OLA1: variants seen among roughly 807,000 people sequenced by gnomAD.
OLA1 encodes obg-like ATPase 1.
OLA1 carries 14 observed loss-of-function variants against 48.4 expected under a neutral mutation model. The observed-to-expected ratio is 0.29, with a 90% CI of 0.19 to 0.45. The LOEUF is 0.45. Among genes scored for constraint, OLA1 ranks in the 20% least tolerant of loss-of-function variants. The pLI is 1.00. For synonymous variants in OLA1, 127 were observed against 150.4 expected (o/e 0.84, Z 1.14); for missense variants, 325 against 467.1 (o/e 0.70, Z 2.80).
chr2:174,121,273 C>T (rs559782180), intron 7 of OLA1, among the ~76,000 whole-genome samples: 64 of 152,220 alleles, frequency 4.2e-4, no homozygotes, highest in Admixed American at 3.4e-3. Context: ...GATGCCATTC[C>T]CTATCACACA....
At chr2:174,226,795 G>A (rs1182114929) in intron 3 of OLA1, among the ~76,000 whole-genome samples, 1 of 152,094 alleles carries the variant, frequency 6.6e-6, no homozygotes, top group Non-Finnish European at 1.5e-5. Context: ...CACTGCACAC[G>A]GCCTTATTAA....
At chr2:174,077,299 C>A (rs1010106092) in intron 10 of OLA1, among the ~76,000 whole-genome samples, 3 of 152,000 alleles carry the variant, frequency 2.0e-5, no homozygotes, top group Admixed American at 2.0e-4. Flanking sequence ...ATTAGTTATG[C>A]TGCACTGGTG....
At chr2:174,223,300 C>T in intron 3 of OLA1, 140 bp from the exon 4 acceptor site, 1 of 753,174 alleles carries the variant, frequency 1.3e-6, no homozygotes, top group Non-Finnish European at 2.1e-6. Flanking sequence ...TGAATATCCA[C>T]CCCTCCCCCC....
chr2:174,192,320 A>T (rs1687793258), intron 4 of OLA1, among the ~76,000 whole-genome samples: 1 of 152,196 alleles, frequency 6.6e-6, no homozygotes. Context: ...ATAATCTAAA[A>T]ATCCAAAATC....
chr2:174,136,004 C>A (rs1558970561), intron 5 of OLA1, among the ~76,000 whole-genome samples: 1 of 152,198 alleles, frequency 6.6e-6, no homozygotes, highest in African/African-American at 2.4e-5. Flanking sequence ...TCTACAAAAA[C>A]AATGTATAAA....
intron 7 of OLA1, among the ~76,000 whole-genome samples, chr2:174,095,325 G>GTTTTTTTTTTTT (rs1205716344): frequency 1.1e-3 from 89 of 77,952 alleles, no homozygotes; most frequent in African/African-American, 1.5e-3. Context: ...GTTATTTCCT[G>GTTTTTTTTTTTT]TTTTTTTTTT....
At chr2:174,225,269 G>A (rs1487334715) in intron 3 of OLA1, among the ~76,000 whole-genome samples, 3 of 152,254 alleles carry the variant, frequency 2.0e-5, no homozygotes, top group Middle Eastern at 3.4e-3. Flanking sequence ...AAGCTGCCTC[G>A]TCCGGGTGCA....
intron 2 of OLA1, among the ~76,000 whole-genome samples, chr2:174,239,298 C>T (rs1349981848): frequency 6.6e-6 from 1 of 152,020 alleles, no homozygotes; most frequent in Non-Finnish European, 1.5e-5. Context: ...GAAAAATAAC[C>T]CTTTCAGTGA....
intron 4 of OLA1, among the ~76,000 whole-genome samples, chr2:174,186,379 C>T (rs1486324036): frequency 6.6e-6 from 1 of 152,198 alleles, no homozygotes; most frequent in African/African-American, 2.4e-5. Context: ...ATATCCAAAA[C>T]TTTATGAGCT....
At chr2:174,109,582 T>C (rs1302383433) in intron 7 of OLA1, among the ~76,000 whole-genome samples, 2 of 152,196 alleles carry the variant, frequency 1.3e-5, no homozygotes, top group Non-Finnish European at 2.9e-5. Flanking sequence ...TGTCTTTGAA[T>C]ACGGGAAAGG....
At chr2:174,179,369 T>G (rs1253783873) in intron 4 of OLA1, among the ~76,000 whole-genome samples, 1 of 151,954 alleles carries the variant, frequency 6.6e-6, no homozygotes, top group Admixed American at 6.5e-5. Context: ...TGACTGCAGT[T>G]TATTAAATAT....
At chr2:174,156,031 C>T (rs1198733637) in intron 4 of OLA1, among the ~76,000 whole-genome samples, 1 of 152,150 alleles carries the variant, frequency 6.6e-6, no homozygotes, top group Non-Finnish European at 1.5e-5. Context: ...ATAACAGTAC[C>T]TACCTCCTAA....
At chr2:174,245,636 G>C (rs748239318) in intron 2 of OLA1, among the ~76,000 whole-genome samples, 1 of 152,214 alleles carries the variant, frequency 6.6e-6, no homozygotes, top group Non-Finnish European at 1.5e-5. Flanking sequence ...GCTCACACCT[G>C]TAATCCCAGC....
chr2:174,231,763 TA>T (rs777757908), intron 2 of OLA1, among the ~76,000 whole-genome samples: 1 of 152,008 alleles, frequency 6.6e-6, no homozygotes, highest in African/African-American at 2.4e-5. Context: ...TTTGCAGGTA[TA>T]AAAAAAGTAA....
At chr2:174,235,182 C>A (rs558659873) in intron 2 of OLA1, among the ~76,000 whole-genome samples, 3 of 151,958 alleles carry the variant, frequency 2.0e-5, no homozygotes, top group Non-Finnish European at 4.4e-5. Context: ...ATAAATAAAA[C>A]GTAAAACCCA....
At chr2:174,142,269 C>A (rs1256352886) in intron 4 of OLA1, among the ~76,000 whole-genome samples, 11 of 152,018 alleles carry the variant, frequency 7.2e-5, no homozygotes, top group Admixed American at 6.6e-5. Context: ...TGTTCTAGAA[C>A]TACTGGCATT....
chr2:174,100,050 G>C (rs1574481043), intron 7 of OLA1, among the ~76,000 whole-genome samples: 1 of 152,280 alleles, frequency 6.6e-6, no homozygotes, highest in East Asian at 1.9e-4. Context: ...TCCTAGAATG[G>C]CTGCATAAGT....
At chr2:174,104,801 T>A (rs1685478302) in intron 7 of OLA1, among the ~76,000 whole-genome samples, 1 of 152,004 alleles carries the variant, frequency 6.6e-6, no homozygotes, top group South Asian at 2.1e-4. Context: ...TTTCTCCTGA[T>A]GAAAAATGAT....
intron 2 of OLA1, among the ~76,000 whole-genome samples, chr2:174,234,808 T>C (rs889837822): frequency 4.6e-5 from 7 of 152,076 alleles, no homozygotes; most frequent in African/African-American, 1.7e-4. Context: ...TTTGAAATTA[T>C]GTGGTGATAC....
Sources: allele counts gnomAD v4.1 joint callset (sites outside exome capture counted in the v4.1 genomes callset), GRCh38; gene constraint gnomAD v4.1.1; transcripts MANE v1.5; gene names NCBI Gene and HGNC (gene_info 2026-07-23, HGNC 2026-07-21).